Variants in FYB2 observed in about 807,000 individuals in gnomAD.
FYB2 encodes the protein FYN binding protein 2.
Under a neutral mutation model 94.1 loss-of-function variants are expected in FYB2, and 103 were observed. The ratio of observed to expected loss-of-function variants is 1.09; its 90% CI spans 0.93 to 1.29. The LOEUF is 1.29. Ranked by LOEUF, FYB2 falls within the 50% of genes most tolerant of loss-of-function variation. The pLI is 0.00. For synonymous variants in FYB2, 293 were observed against 287.9 expected (o/e 1.02, Z -0.18); for missense variants, 896 against 841.5 (o/e 1.06, Z -0.80).
chr1:56,779,399 C>T (rs1213082012), intron 4 of FYB2, among the ~76,000 whole-genome samples: 4 of 152,094 alleles, frequency 2.6e-5, no homozygotes, highest in Non-Finnish European at 4.4e-5. Context: ...TCACTTGGAG[C>T]TGAACGCTAG....
chr1:56,783,754 GTATGTAA>G (rs1346769259), intron 4 of FYB2, among the ~76,000 whole-genome samples: 7 of 152,112 alleles, frequency 4.6e-5, no homozygotes, highest in African/African-American at 1.7e-4. Context: ...TATTTTCAAT[GTATGTAA>G]ATGTTTGGCC....
intron 16 of FYB2, among the ~76,000 whole-genome samples, chr1:56,724,023 C>A (rs1644537883): frequency 1.3e-5 from 2 of 151,068 alleles, no homozygotes; most frequent in African/African-American, 2.4e-5. Context: ...TGAAGGTAAA[C>A]AAGAAACTTG....
At chr1:56,741,628 T>C (rs1644955616) in intron 12 of FYB2, among the ~76,000 whole-genome samples, 1 of 152,042 alleles carries the variant, frequency 6.6e-6, no homozygotes, top group Non-Finnish European at 1.5e-5. Flanking sequence ...GCCGTTTTCT[T>C]TTCCACAACA....
chr1:56,775,654 A>G (rs1439335638), intron 4 of FYB2, among the ~76,000 whole-genome samples: 1 of 152,160 alleles, frequency 6.6e-6, no homozygotes, highest in Non-Finnish European at 1.5e-5. Context: ...CAGATATTTG[A>G]ATCTGAAGTC....
At chr1:56,784,421 C>A (rs1229751372) in intron 4 of FYB2, among the ~76,000 whole-genome samples, 1 of 152,118 alleles carries the variant, frequency 6.6e-6, no homozygotes, top group Non-Finnish European at 1.5e-5. Context: ...AATTTAATCT[C>A]TGAATTGAAG....
At chr1:56,817,389 C>T (rs1186888831) in intron 1 of FYB2, among the ~76,000 whole-genome samples, 1 of 152,246 alleles carries the variant, frequency 6.6e-6, no homozygotes, top group African/African-American at 2.4e-5. Context: ...CTTCCATTGA[C>T]ACCTTTCTTG....
intron 1 of FYB2, among the ~76,000 whole-genome samples, chr1:56,801,851 T>G (rs146439320): frequency 1.9e-3 from 289 of 152,304 alleles, no homozygotes; most frequent in African/African-American, 6.6e-3. Flanking sequence ...TACTTGGGTA[T>G]GTGTAAAAGG....
chr1:56,792,658 C>G lies in FYB2; in HGVS notation c.155G>C (p.Gly52Ala). 6.2e-7 allele frequency: 1 copy of G among 1,614,012 alleles called. No homozygotes were observed. The highest frequency in any genetic ancestry group is 8.5e-7 in the Non-Finnish European group (1 of 1,179,998). Residue 52 changes from glycine to alanine, a missense_variant, in exon 2 of 20, where the codon GGG becomes GCG. By Grantham distance (60) the Gly-to-Ala change is moderately conservative. Transcript: ENST00000343433. ...GTQSTQILAN[G>A]KPLSSNHKQR... ...CTTGTGGTTGGATGAGAGGGGTTTC[C>G]CATTGGCCAAAATTTGAGTTGACTG...
chr1:56,822,186 G>T (rs1479628531), upstream of FYB2, among the ~76,000 whole-genome samples: 2 of 152,184 alleles, frequency 1.3e-5, no homozygotes, highest in African/African-American at 4.8e-5. Flanking sequence ...TTTTCCAGCA[G>T]AGGAAACTGA....
intron 1 of FYB2, among the ~76,000 whole-genome samples, chr1:56,818,231 T>A (rs1646929347): frequency 6.6e-6 from 1 of 152,000 alleles, no homozygotes; most frequent in African/African-American, 2.4e-5. Context: ...CATACCAACA[T>A]GCCCCTGCTC....
intron 4 of FYB2, among the ~76,000 whole-genome samples, chr1:56,768,424 A>G (rs965177420): frequency 2.6e-5 from 4 of 152,126 alleles, no homozygotes; most frequent in Non-Finnish European, 5.9e-5. Context: ...CGAGTACTAA[A>G]CGTATCCGTC....
At chr1:56,766,436 T>A (rs1570067209) in intron 5 of FYB2, among the ~76,000 whole-genome samples, 1 of 152,200 alleles carries the variant, frequency 6.6e-6, no homozygotes, top group East Asian at 1.9e-4. Context: ...TATTTCTTTT[T>A]TTTTCTTTTT....
chr1:56,726,722 G>T, intron 15 of FYB2, 139 bp from the exon 16 acceptor site: 1 of 695,584 alleles, frequency 1.4e-6, no homozygotes, highest in African/African-American at 1.8e-5. Context: ...CCATGGAAAG[G>T]CCATATAATA....
chr1:56,760,394 T>A (rs1345309464), intron 5 of FYB2, among the ~76,000 whole-genome samples: 4 of 152,176 alleles, frequency 2.6e-5, no homozygotes, highest in African/African-American at 9.6e-5. Context: ...TTAGGGACTG[T>A]CAGCATATAA....
rs542593337 is a variant in FYB2 at position 56,819,356 on chromosome 1, C to T, written c.-66G>A. On this transcript the variant is annotated 5_prime_UTR_variant, in exon 1 of 20. Coordinates refer to ENST00000343433, the MANE Select transcript of FYB2 (RefSeq NM_001004303.5). ...TCTCAGAGCTGGGTCCTGGGGCCAACAATCCGCTTTCCTCTGTCTCTGCTA... is the reference window on the plus strand; with the variant it reads ...TCTCAGAGCTGGGTCCTGGGGCCAATAATCCGCTTTCCTCTGTCTCTGCTA... 2 of 1,603,062 alleles carry T rather than the reference C, an allele frequency of 1.2e-6. No individual in the cohort carries two copies. Among genetic ancestry groups the T allele is most frequent in the East Asian group, 2.2e-5 (1 of 44,808 alleles).
At position 56,792,660 on chromosome 1, in the gene FYB2, A is replaced by C. The variant is rs761799664; in HGVS notation, c.153T>G (p.Asn51Lys). 11 of 1,613,912 alleles carry C rather than the reference A, an allele frequency of 6.8e-6. No individual in the cohort carries two copies. The highest frequency in any genetic ancestry group is 9.3e-6 in the Non-Finnish European group (11 of 1,179,990). Reference protein sequence around the residue: ...GGTQSTQILANGKPLSSNHKQ... With the variant: ...GGTQSTQILAKGKPLSSNHKQ... The stretch of plus-strand genomic sequence containing the variant: ...TGTGGTTGGATGAGAGGGGTTTCCC[A>C]TTGGCCAAAATTTGAGTTGACTGTG... Residue 51 changes from asparagine to lysine, a missense_variant, in exon 2 of 20, where the codon AAT becomes AAG. Physicochemically the swap from Asn to Lys is moderately conservative, Grantham distance 94 (BLOSUM62 0). Coordinates refer to ENST00000343433, the MANE Select transcript of FYB2 (RefSeq NM_001004303.5).
rs1290850578 is a variant in FYB2 at position 56,738,597 on chromosome 1, TG to T, written c.1732+27del. 9 of 1,593,470 alleles carry T rather than the reference TG, an allele frequency of 5.6e-6. No homozygotes were observed. In the East Asian group the frequency reaches 1.6e-4, roughly 28 times the overall value. On this transcript the variant is annotated intron_variant, in intron 14 of 19. Coordinates refer to ENST00000343433, the MANE Select transcript of FYB2 (RefSeq NM_001004303.5). ...TGAATATACAAAAGCTGAGTACTTT[TG>T]GTCTGCAATAAGCAAATGGCACTTA...
the FYB2 span, among the ~76,000 whole-genome samples, chr1:56,826,350 C>G: frequency 9.2e-5 from 14 of 152,236 alleles, no homozygotes; most frequent in African/African-American, 3.4e-4. Context: ...CTAATGCCTA[C>G]AGGGGCAAGT....
intron 9 of FYB2, among the ~76,000 whole-genome samples, chr1:56,746,000 T>A (rs571514631): frequency 6.6e-6 from 1 of 152,126 alleles, no homozygotes; most frequent in East Asian, 1.9e-4. Flanking sequence ...TACTTGAGGT[T>A]TTTGAAGTAA....
Sources: gnomAD v4.1 joint callset for allele counts (sites outside exome capture counted in the v4.1 genomes callset) on GRCh38, gnomAD v4.1.1 for gene constraint, MANE v1.5 for transcripts, NCBI Gene and HGNC (gene_info 2026-07-23, HGNC 2026-07-21) for gene names.